The following NBEA variants were observed in gnomAD, a reference collection of about 807,000 sequenced individuals.
NBEA encodes lysosomal-trafficking regulator 2.
Under a neutral mutation model 343.4 loss-of-function variants are expected in NBEA, and 44 were observed. That is an observed-to-expected ratio of 0.13 (90% CI 0.10 to 0.16). The LOEUF (loss-of-function observed/expected upper bound fraction) is 0.16. NBEA is among the 10% of genes least tolerant of loss of function. The pLI is 1.00. For missense variants in NBEA, 2,555 were observed against 3,631.3 expected (o/e 0.70, Z 7.62); for synonymous variants, 1,175 against 1,238.7 (o/e 0.95, Z 1.08).
intron 34 of NBEA, among the ~76,000 whole-genome samples, chr13:35,277,839 C>T (rs1403692729): frequency 6.6e-6 from 1 of 151,524 alleles, no homozygotes; most frequent in Admixed American, 6.6e-5. Flanking sequence ...GTAATTCCAG[C>T]ACTTTGGGAG....
chr13:35,278,097 A>G (rs1012653824), intron 34 of NBEA, among the ~76,000 whole-genome samples: 1 of 147,898 alleles, frequency 6.8e-6, no homozygotes, highest in Non-Finnish European at 1.5e-5. Flanking sequence ...CAAAAAATAT[A>G]TATATATATA....
chr13:35,070,674 A>T (rs780919291), intron 9 of NBEA, 45 bp from the exon 10 acceptor site: 71 of 1,481,792 alleles, frequency 4.8e-5, no homozygotes, highest in Non-Finnish European at 6.3e-5. Context: ...TAGTGATGAA[A>T]TCATTCTATA....
At chr13:34,964,253 G>A (rs1036827095) in intron 1 of NBEA, among the ~76,000 whole-genome samples, 1 of 151,890 alleles carries the variant, frequency 6.6e-6, no homozygotes, top group African/African-American at 2.4e-5. Context: ...ACTGAGCTTT[G>A]GATGTTTAAA....
intron 16 of NBEA, among the ~76,000 whole-genome samples, chr13:35,118,879 G>A (rs1351249158): frequency 1.3e-5 from 2 of 151,142 alleles, no homozygotes; most frequent in African/African-American, 2.4e-5. Context: ...TTTTCTTTCA[G>A]CTGGTGATGA....
chr13:35,091,867 T>C (rs1329493291), intron 10 of NBEA, among the ~76,000 whole-genome samples: 1 of 151,988 alleles, frequency 6.6e-6, no homozygotes, highest in Admixed American at 6.6e-5. Context: ...GGTAGATACA[T>C]GTAACATAAT....
intron 34 of NBEA, among the ~76,000 whole-genome samples, chr13:35,256,809 G>A (rs2032655048): frequency 6.6e-6 from 1 of 152,212 alleles, no homozygotes; most frequent in Admixed American, 6.5e-5. Flanking sequence ...GCCAGGAGTA[G>A]GGGGAGCCCA....
intron 40 of NBEA, among the ~76,000 whole-genome samples, chr13:35,472,054 G>A (rs2075675186): frequency 6.6e-6 from 1 of 152,102 alleles, no homozygotes; most frequent in Admixed American, 6.5e-5. Flanking sequence ...CTCTGGAAAA[G>A]CCAGTGATAC....
intron 41 of NBEA, among the ~76,000 whole-genome samples, chr13:35,522,475 CAAAAAAAAAAAAAAAA>C (rs138270833): frequency 2.4e-4 from 10 of 42,070 alleles, no homozygotes; most frequent in African/African-American, 4.0e-4. Context: ...ATACCATCTC[CAAAAAAAAAAAAAAAA>C]AAAAAAAAAA....
intron 34 of NBEA, among the ~76,000 whole-genome samples, chr13:35,265,074 T>A (rs1051074354): frequency 2.0e-5 from 3 of 151,934 alleles, no homozygotes; most frequent in African/African-American, 4.8e-5. Context: ...AAATCAATAG[T>A]GTTTCTATAC....
At chr13:35,533,336 G>C (rs2152999762) in intron 41 of NBEA, among the ~76,000 whole-genome samples, 1 of 152,154 alleles carries the variant, frequency 6.6e-6, no homozygotes, top group East Asian at 1.9e-4. Flanking sequence ...CTCAATGTCT[G>C]TGGGAGGGGA....
chr13:35,205,623 A>G (rs1283704280), intron 31 of NBEA, among the ~76,000 whole-genome samples: 1 of 152,044 alleles, frequency 6.6e-6, no homozygotes, highest in Non-Finnish European at 1.5e-5. Context: ...CTAAAACTAC[A>G]CGTATGAGAT....
Position 35,655,023 on chromosome 13 carries a change from A to G in NBEA, c.8191+13A>G. 1 of 1,498,158 alleles carries G rather than the reference A, an allele frequency of 6.7e-7. No homozygotes were observed. The allele number at this position is 1,498,158 out of a possible 1,614,324, so 92.8% of individuals were successfully genotyped here. A position where few individuals can be genotyped will look rare whatever the true frequency, so the allele number is the denominator to read the frequency against. ...TCTACAGAAACAGGTAATCCTAACTATGAAACACCATATTCTCTTCAAAAT... is the reference window on the plus strand; with the variant it reads ...TCTACAGAAACAGGTAATCCTAACTGTGAAACACCATATTCTCTTCAAAAT... On this transcript the variant is annotated intron_variant, in intron 54 of 58. Coordinates refer to ENST00000379939, the MANE Select transcript of NBEA (RefSeq NM_001385012.1).
chr13:35,459,687 A>G (rs1352824466), intron 40 of NBEA, among the ~76,000 whole-genome samples: 2 of 152,188 alleles, frequency 1.3e-5, no homozygotes, highest in African/African-American at 4.8e-5. Flanking sequence ...TTGTTTATAT[A>G]TAAATTGAAT....
intron 17 of NBEA, among the ~76,000 whole-genome samples, chr13:35,128,533 T>C (rs2067248649): frequency 6.6e-6 from 1 of 152,174 alleles, no homozygotes; most frequent in Admixed American, 6.5e-5. Context: ...GCTATCATGC[T>C]GGCTCCAGGG....
intron 49 of NBEA, among the ~76,000 whole-genome samples, chr13:35,630,288 A>G (rs989092592): frequency 6.6e-6 from 1 of 152,248 alleles, no homozygotes; most frequent in Non-Finnish European, 1.5e-5. Context: ...GTTTCTACAA[A>G]ATAACATCAT....
intron 40 of NBEA, among the ~76,000 whole-genome samples, chr13:35,463,151 G>T (rs2046995540): frequency 6.6e-6 from 1 of 152,154 alleles, no homozygotes; most frequent in African/African-American, 2.4e-5. Flanking sequence ...CCCATAATAG[G>T]ATACCAAGCA....
chr13:35,296,951 G>C (rs894468579), intron 35 of NBEA, among the ~76,000 whole-genome samples: 1 of 151,608 alleles, frequency 6.6e-6, no homozygotes, highest in Non-Finnish European at 1.5e-5. Flanking sequence ...AATAATTAGA[G>C]ACTCACAGGA....
chr13:34,983,624 T>G (rs898748763), intron 1 of NBEA, among the ~76,000 whole-genome samples: 9 of 152,158 alleles, frequency 5.9e-5, no homozygotes, highest in Non-Finnish European at 1.3e-4. Context: ...TTGAACTAGT[T>G]TACACTCTCA....
At chr13:35,109,472 T>A (rs2066076711) in intron 12 of NBEA, 30 bp downstream of exon 12, 1 of 1,556,212 alleles carries the variant, frequency 6.4e-7, no homozygotes, top group African/African-American at 1.4e-5. Context: ...TCAGTTTGAT[T>A]TAGTGTAATG....
Sources: gnomAD v4.1 joint callset for allele counts (sites outside exome capture counted in the v4.1 genomes callset) on GRCh38, gnomAD v4.1.1 for gene constraint, MANE v1.5 for transcripts, NCBI Gene and HGNC (gene_info 2026-07-23, HGNC 2026-07-21) for gene names.